SLC4A4: variants seen among roughly 807,000 people sequenced by gnomAD.
SLC4A4 encodes the protein solute carrier family 4 member 4, also known as electrogenic sodium bicarbonate cotransporter 1.
Under a neutral mutation model 111.5 loss-of-function variants are expected in SLC4A4, and 27 were observed. The ratio of observed to expected loss-of-function variants is 0.24; its 90% CI spans 0.18 to 0.33. The LOEUF is 0.33. Ranked by LOEUF, SLC4A4 falls within the 10% of genes least tolerant of loss-of-function variation. SLC4A4 has a pLI of 1.00. For missense variants in SLC4A4, 909 were observed against 1,315.5 expected (o/e 0.69, Z 4.78); for synonymous variants, 443 against 463.4 (o/e 0.96, Z 0.57).
intron 6 of SLC4A4, among the ~76,000 whole-genome samples, chr4:71,368,605 G>A (rs931235460): frequency 1.3e-5 from 2 of 152,120 alleles, no homozygotes; most frequent in African/African-American, 4.8e-5. Flanking sequence ...TTACTAATAC[G>A]ACACCCTGCC....
At chr4:71,301,841 G>C (rs958835307) in intron 3 of SLC4A4, among the ~76,000 whole-genome samples, 4 of 152,182 alleles carry the variant, frequency 2.6e-5, no homozygotes, top group Non-Finnish European at 5.9e-5. Flanking sequence ...TCTTCCATGT[G>C]CCGCTGCAGG....
chr4:71,223,198 C>A (rs1189079487), intron 1 of SLC4A4, among the ~76,000 whole-genome samples: 1 of 150,112 alleles, frequency 6.7e-6, no homozygotes, highest in East Asian at 1.9e-4. Context: ...TTTTCTGAGA[C>A]CAAGCCTCCC....
At chr4:71,077,315 C>T (rs1243103934) in intron 1 of SLC4A4, among the ~76,000 whole-genome samples, 1 of 151,994 alleles carries the variant, frequency 6.6e-6, no homozygotes, top group African/African-American at 2.4e-5. Context: ...TGCCCACCCC[C>T]ATGCTCGGCT....
intron 16 of SLC4A4, among the ~76,000 whole-genome samples, chr4:71,510,241 G>A (rs1263433129): frequency 2.0e-5 from 3 of 152,154 alleles, no homozygotes; most frequent in Admixed American, 6.5e-5. Context: ...AGAAGATAGT[G>A]TGACGAAGCA....
chr4:71,078,086 A>G (rs1279744433), intron 1 of SLC4A4, among the ~76,000 whole-genome samples: 2 of 152,154 alleles, frequency 1.3e-5, no homozygotes, highest in African/African-American at 4.8e-5. Flanking sequence ...TATTCTGTGT[A>G]AAAAAGATAG....
intron 18 of SLC4A4, among the ~76,000 whole-genome samples, chr4:71,540,104 A>G (rs1359941069): frequency 6.6e-6 from 1 of 152,188 alleles, no homozygotes; most frequent in African/African-American, 2.4e-5. Context: ...TAATTTGTGT[A>G]CAAGTCTGTG....
chr4:71,438,081 G>T (rs1198248467), intron 7 of SLC4A4, among the ~76,000 whole-genome samples: 4 of 152,148 alleles, frequency 2.6e-5, no homozygotes. Flanking sequence ...CAGAGACCTG[G>T]CCCCTTAATA....
At chr4:71,154,073 A>G (rs915998497) in intron 2 of SLC4A4, among the ~76,000 whole-genome samples, 1 of 152,198 alleles carries the variant, frequency 6.6e-6, no homozygotes, top group African/African-American at 2.4e-5. Flanking sequence ...AGTTCCTTTC[A>G]GGAGAGGTGA....
chr4:71,357,364 G>T (rs886150049), intron 6 of SLC4A4, among the ~76,000 whole-genome samples, 177 bp downstream of exon 6: 1 of 152,120 alleles, frequency 6.6e-6, no homozygotes, highest in African/African-American at 2.4e-5. Flanking sequence ...CAGTCTTGCT[G>T]GAAAGATTTC....
At chr4:71,147,649 T>C (rs769718168) in intron 2 of SLC4A4, among the ~76,000 whole-genome samples, 2 of 152,112 alleles carry the variant, frequency 1.3e-5, no homozygotes, top group Non-Finnish European at 2.9e-5. Context: ...ATCAAGCTAA[T>C]TTATAGCATT....
intron 2 of SLC4A4, among the ~76,000 whole-genome samples, chr4:71,238,185 C>T (rs539749277): frequency 1.9e-4 from 29 of 152,220 alleles, no homozygotes; most frequent in Middle Eastern, 3.4e-3. Flanking sequence ...ATACTGTGTG[C>T]GTGTGTTTTC....
At chr4:71,074,642 GAGAA>G (rs780852745) in intron 1 of SLC4A4, among the ~76,000 whole-genome samples, 3 of 151,178 alleles carry the variant, frequency 2.0e-5, no homozygotes, top group South Asian at 2.1e-4. Context: ...AAAAGGAGAA[GAGAA>G]AGGAAGGAAG....
intron 23 of SLC4A4, among the ~76,000 whole-genome samples, chr4:71,562,870 A>T (rs1301081509): frequency 6.6e-6 from 1 of 151,754 alleles, no homozygotes; most frequent in Non-Finnish European, 1.5e-5. Flanking sequence ...AGAGTCATAA[A>T]TAAAGGAATT....
rs1737774444 is a variant in SLC4A4, at chr4:71,569,517, T to G, written c.*1766T>G. Reference sequence around the variant, plus strand: ...TATTAACCAAATTTAACGTGGTATTTAAAGGTAATATTTTTAATATGATAC... The same window carrying G: ...TATTAACCAAATTTAACGTGGTATTGAAAGGTAATATTTTTAATATGATAC... On this transcript the variant is annotated 3_prime_UTR_variant, in exon 26 of 26. Transcript: ENST00000264485. 1 of 151,730 alleles carries G rather than the reference T, an allele frequency of 6.6e-6. No individual in the cohort carries two copies. Among genetic ancestry groups the G allele is most frequent in the Admixed American group, 6.6e-5 (1 of 15,184 alleles). 9.4% of individuals were successfully genotyped at this position (151,730 alleles called of 1,614,324 possible).
chr4:71,393,145 A>AT (rs1258318934), intron 6 of SLC4A4, among the ~76,000 whole-genome samples: 2 of 152,100 alleles, frequency 1.3e-5, no homozygotes, highest in Non-Finnish European at 2.9e-5. Flanking sequence ...CCTCTTCAAC[A>AT]TAACACTGGA....
chr4:71,231,837 G>A (rs1719446651), intron 1 of SLC4A4, among the ~76,000 whole-genome samples: 1 of 152,216 alleles, frequency 6.6e-6, no homozygotes, highest in African/African-American at 2.4e-5. Flanking sequence ...TCTTCCTATT[G>A]ATAGAAGGAG....
At chr4:71,152,496 G>A (rs998990286) in intron 2 of SLC4A4, among the ~76,000 whole-genome samples, 4 of 152,302 alleles carry the variant, frequency 2.6e-5, no homozygotes, top group African/African-American at 7.2e-5. Context: ...ATGTGCACAT[G>A]TAGCTCATCG....
intron 1 of SLC4A4, among the ~76,000 whole-genome samples, chr4:71,202,113 A>G (rs1199016796): frequency 6.6e-6 from 1 of 152,238 alleles, no homozygotes; most frequent in Admixed American, 6.5e-5. Flanking sequence ...AGGCCTAGAT[A>G]TAAACATTAG....
intron 4 of SLC4A4, among the ~76,000 whole-genome samples, chr4:71,345,403 A>G (rs1056423337): frequency 2.0e-5 from 3 of 152,102 alleles, no homozygotes; most frequent in Admixed American, 6.6e-5. Flanking sequence ...GAATTTTCAG[A>G]TGGACAGTGC....
Sources: gnomAD v4.1 joint callset for allele counts (sites outside exome capture counted in the v4.1 genomes callset) on GRCh38, gnomAD v4.1.1 for gene constraint, MANE v1.5 for transcripts, NCBI Gene and HGNC (gene_info 2026-07-23, HGNC 2026-07-21) for gene names.